The following SH2D4A variants were observed in gnomAD, a reference collection of about 807,000 sequenced individuals.
The protein encoded by SH2D4A is SH2 domain containing 4A, also known as SH2 domain-containing protein 4A.
SH2D4A carries 70 observed loss-of-function variants against 64.7 expected under a neutral mutation model. The observed-to-expected ratio is 1.08, with a 90% confidence interval of 0.89 to 1.32. The LOEUF (loss-of-function observed/expected upper bound fraction) is 1.32, where lower values mean the gene tolerates loss of function less well. Among genes scored for constraint, SH2D4A ranks in the 40% most tolerant of loss-of-function variants. The pLI is 0.00. For missense variants in SH2D4A, 706 were observed against 540.1 expected (o/e 1.31, Z -3.04); for synonymous variants, 268 against 200.7 (o/e 1.34, Z -2.83).
intron 2 of SH2D4A, among the ~76,000 whole-genome samples, chr8:19,327,628 C>A (rs1229056808): frequency 1.3e-5 from 2 of 152,214 alleles, no homozygotes; most frequent in African/African-American, 4.8e-5. Context: ...TCTTCCAACA[C>A]CCCAGGTATA....
intron 8 of SH2D4A, among the ~76,000 whole-genome samples, chr8:19,384,046 G>A (rs2053343675): frequency 6.6e-6 from 1 of 152,174 alleles, no homozygotes; most frequent in Admixed American, 6.5e-5. Context: ...CATCTCTCCT[G>A]TTCCCCTTTC....
At chr8:19,324,619 T>A (rs2052247218) in intron 2 of SH2D4A, among the ~76,000 whole-genome samples, 2 of 152,168 alleles carry the variant, frequency 1.3e-5, no homozygotes, top group African/African-American at 4.8e-5. Flanking sequence ...GTCACGAGTG[T>A]CTTGCTCTCT....
At chr8:19,350,542 G>A (rs888895832) in intron 4 of SH2D4A, among the ~76,000 whole-genome samples, 1 of 152,132 alleles carries the variant, frequency 6.6e-6, no homozygotes, top group African/African-American at 2.4e-5. Flanking sequence ...GAATGCAGTG[G>A]TGAGATCCTG....
Position 19,340,601 on chromosome 8 carries a change from CTTTTTTTTT to C in SH2D4A, c.513+5758_513+5766del, listed in dbSNP as rs535915285. Among the ~76,000 whole-genome samples the C allele has an allele frequency of 4.2e-4, 42 of 100,518 alleles. 1 individual carries two copies. The East Asian group carries it at 0.012, about 28-fold the overall frequency. 65.9% of individuals were successfully genotyped at this position (100,518 alleles called of 152,430 possible). A position where few individuals can be genotyped will look rare whatever the true frequency, so the allele number is the denominator to read the frequency against. ...ATTTTGTTCTTTTCTTTCTTTCTTTCTTTTTTTTTTTTTTTTTTTTTTGAGACAGGGTCT... is the reference window on the plus strand; with the variant it reads ...ATTTTGTTCTTTTCTTTCTTTCTTTCTTTTTTTTTTTTTGAGACAGGGTCT... On this transcript the variant is annotated intron_variant, in intron 4 of 9. Coordinates refer to ENST00000265807, the MANE Select transcript of SH2D4A (RefSeq NM_022071.4).
intron 2 of SH2D4A, among the ~76,000 whole-genome samples, chr8:19,322,498 T>G (rs1252783255): frequency 6.6e-6 from 1 of 152,198 alleles, no homozygotes; most frequent in South Asian, 2.1e-4. Context: ...TAGAAGTTCC[T>G]TCATTGTCAT....
intron 2 of SH2D4A, among the ~76,000 whole-genome samples, chr8:19,321,250 G>T (rs931461018): frequency 6.6e-6 from 1 of 151,848 alleles, no homozygotes; most frequent in Non-Finnish European, 1.5e-5. Flanking sequence ...GTCTCACTCT[G>T]TCGCCCTGGT....
rs778383599 is a variant in SH2D4A at position 19,393,318 on chromosome 8, G to A, written c.1049G>A (p.Gly350Glu). 7 of 1,614,068 alleles carry A rather than the reference G, an allele frequency of 4.3e-6. No individual in the cohort carries two copies. Among genetic ancestry groups the A allele is most frequent in the East Asian group, 2.2e-5 (1 of 44,874 alleles). ...TSDTIAPWFH[G>E]ILTLKKANEL... The stretch of plus-strand genomic sequence containing the variant: ...CCTGCCTTTTTTTGCTTTGCCACAG[G>A]AATTCTCACACTCAAGAAAGCAAAT... The change falls in exon 9 of 10, where the codon GGA becomes GAA. Residue 350 changes from glycine to glutamate, a missense_variant and splice_region_variant. Transcript: ENST00000265807.
Position 19,394,538 on chromosome 8 carries a change from T to A in SH2D4A, c.1273-12T>A. ...ACTTACACTATCTGACCCCGTGCCT[T>A]CTGATTGACAGGAGGAACCCATCAC... On this transcript the variant is annotated splice_polypyrimidine_tract_variant and intron_variant, in intron 9 of 9. Transcript: ENST00000265807. 7 of 1,594,418 alleles carry A rather than the reference T, an allele frequency of 4.4e-6. No homozygotes were observed. Among genetic ancestry groups the A allele is most frequent in the Non-Finnish European group, 6.0e-6 (7 of 1,167,186 alleles).
chr8:19,340,087 G>A (rs2052504268), intron 4 of SH2D4A, among the ~76,000 whole-genome samples: 1 of 152,296 alleles, frequency 6.6e-6, no homozygotes, highest in Non-Finnish European at 1.5e-5. Context: ...GCCAAGGATG[G>A]CTTTGCAGAG....
rs922752903 is a variant in SH2D4A, at chr8:19,395,867, G to T, written c.*1225G>T. On this transcript the variant is annotated 3_prime_UTR_variant, in exon 10 of 10. Transcript: ENST00000265807. The stretch of plus-strand genomic sequence containing the variant: ...ACTATAGCCCCAGAAAGCTAATACA[G>T]TCGTTTATGTAATTACATAACCTGA... 1.4e-4 allele frequency: 21 copies of T among 152,134 alleles called. No homozygotes were observed. Among genetic ancestry groups the T allele is most frequent in the African/African-American group, 5.1e-4 (21 of 41,420 alleles). 9.4% of individuals were successfully genotyped at this position (152,134 alleles called of 1,614,324 possible).
chr8:19,394,618 T>A lies in SH2D4A; in HGVS notation c.1341T>A (p.Pro447=). The A allele has an allele frequency of 6.2e-7, 1 of 1,610,914 alleles. No individual in the cohort carries two copies. The highest frequency in any genetic ancestry group is 8.5e-7 in the Non-Finnish European group (1 of 1,178,092). Residue 447 remains proline, a synonymous_variant, in exon 10 of 10, where the codon CCT becomes CCA. Coordinates refer to ENST00000265807, the MANE Select transcript of SH2D4A (RefSeq NM_022071.4). ...CCTGTGGTCAGCAGGACCAGCTGCC[T>A]GACTACCTGGAGCTGTTTGAGTGAC... ...LYPCGQQDQL[P]DYLELFE is the part of the protein sequence containing the mutation.
chr8:19,335,161 G>A (rs1027209434), intron 4 of SH2D4A, among the ~76,000 whole-genome samples: 34 of 152,108 alleles, frequency 2.2e-4, no homozygotes, highest in Non-Finnish European at 2.8e-4. Context: ...GGTGGCGGGC[G>A]CCTGCAGTCC....
At chr8:19,351,558 G>A (rs1385469181) in intron 4 of SH2D4A, among the ~76,000 whole-genome samples, 2 of 151,844 alleles carry the variant, frequency 1.3e-5, no homozygotes, top group East Asian at 1.9e-4. Context: ...AGCTGAGATC[G>A]CACCACTGTA....
intron 4 of SH2D4A, among the ~76,000 whole-genome samples, chr8:19,353,963 G>A (rs1392046392): frequency 6.6e-6 from 1 of 150,990 alleles, no homozygotes; most frequent in African/African-American, 2.4e-5. Flanking sequence ...TAAATAGAAG[G>A]ATTCATCTCT....
At chr8:19,353,321 T>A (rs559224503) in intron 4 of SH2D4A, among the ~76,000 whole-genome samples, 1 of 152,064 alleles carries the variant, frequency 6.6e-6, no homozygotes, top group Admixed American at 6.6e-5. Flanking sequence ...GTATACCCTC[T>A]GATATTGCCA....
At position 19,364,136 on chromosome 8, in the gene SH2D4A, C is replaced by G. The variant is rs779471588; in HGVS notation, c.771C>G (p.Tyr257Ter). The G allele has an allele frequency of 6.2e-7, 1 of 1,614,106 alleles. No homozygotes were observed. The highest frequency in any genetic ancestry group is 8.5e-7 in the Non-Finnish European group (1 of 1,179,996). The change falls in exon 7 of 10, where the codon TAC (tyrosine) becomes TAG (stop). Residue 257 changes from tyrosine (Y) to a stop codon, truncating the protein, a stop_gained. Coordinates refer to ENST00000265807, the MANE Select transcript of SH2D4A (RefSeq NM_022071.4). LOFTEE classifies it high-confidence loss of function. ...TGGCTAAACAAGCACGAGAAGACTACAAGAGGTTATCCCTCGGGGCCCAGA... is the reference window on the plus strand; with the variant it reads ...TGGCTAAACAAGCACGAGAAGACTAGAAGAGGTTATCCCTCGGGGCCCAGA... ...RSLAKQARED[Y>*]KRLSLGAQKG...
In SH2D4A at chr8:19,333,026, C is replaced by G. The variant is rs773221492; in HGVS notation, c.253C>G (p.His85Asp). 7 of 1,614,000 alleles carry G rather than the reference C, an allele frequency of 4.3e-6. No homozygotes were observed. In the Admixed American group the frequency reaches 1.2e-4, roughly 27 times the overall value. The change falls in exon 3 of 10, where the codon CAT becomes GAT. Residue 85 changes from histidine to aspartate, a missense_variant. By Grantham distance (81) the His-to-Asp change is moderately conservative. Transcript: ENST00000265807. Reference protein sequence around the residue: ...EVWVWVMGEHHLDKPYDVLCN... With the variant: ...EVWVWVMGEHDLDKPYDVLCN... ...CTGGGTATGGGTGATGGGCGAACACCATCTAGATAAACCCTATGATGTGCT... is the reference window on the plus strand; with the variant it reads ...CTGGGTATGGGTGATGGGCGAACACGATCTAGATAAACCCTATGATGTGCT...
chr8:19,341,937 C>G, intron 4 of SH2D4A, among the ~76,000 whole-genome samples: 1 of 151,834 alleles, frequency 6.6e-6, no homozygotes, highest in Non-Finnish European at 1.5e-5. Flanking sequence ...TCTTACCAGT[C>G]TGATCTAAAA....
rs779780193 is a variant in SH2D4A, at chr8:19,364,087, C to T, written c.722C>T (p.Ala241Val). ...GTTTTTCCAGTGCGAAAATCCAAAG[C>T]AGCTGATGAGAAGAGACGCTCCTTG... is the stretch of plus-strand genomic sequence containing the variant. ...EWQASLRKSKAADEKRRSLAK... is the reference protein window; with the variant it reads ...EWQASLRKSKVADEKRRSLAK... Residue 241 changes from alanine to valine, a missense_variant, in exon 7 of 10, where the codon GCA becomes GTA. Ala to Val is a moderately conservative substitution (Grantham distance 64). Coordinates refer to ENST00000265807, the MANE Select transcript of SH2D4A (RefSeq NM_022071.4). 6.2e-7 allele frequency: 1 copy of T among 1,613,954 alleles called. No homozygotes were observed. The highest frequency in any genetic ancestry group is 1.1e-5 in the South Asian group (1 of 91,080).
Sources: allele counts gnomAD v4.1 joint callset (sites outside exome capture counted in the v4.1 genomes callset), GRCh38; gene constraint gnomAD v4.1.1; transcripts MANE v1.5; gene names NCBI Gene and HGNC (gene_info 2026-07-23, HGNC 2026-07-21).